Variants in CENPE observed in about 807,000 individuals in gnomAD.
CENPE encodes the protein centromere protein E.
Under a neutral mutation model 336.1 loss-of-function variants are expected in CENPE, and 145 were observed. The observed-to-expected ratio is 0.43, with a 90% CI of 0.38 to 0.50. The LOEUF (loss-of-function observed/expected upper bound fraction) is 0.50. CENPE is among the 20% of genes least tolerant of loss of function. The probability of loss-of-function intolerance (pLI) is 0.00; values close to 1 mark genes in which losing one functional copy is unlikely to be tolerated. For synonymous variants in CENPE, 1,013 were observed against 984.8 expected, an observed-to-expected ratio of 1.03 and a Z score of -0.54; for missense variants, 2,719 against 3,023.3, an observed-to-expected ratio of 0.90 and a Z score of 2.36.
At chr4:103,125,179 A>C (rs1019238588) in intron 42 of CENPE, among the ~76,000 whole-genome samples, 2 of 152,228 alleles carry the variant, frequency 1.3e-5, no homozygotes, top group Non-Finnish European at 2.9e-5. Flanking sequence ...ATTGTTCCTT[A>C]TTTCAACAAG....
At position 103,153,042 on chromosome 4, in the gene CENPE, C is replaced by A. The variant is rs1753686175; in HGVS notation, c.3237+5G>T. The A allele has an allele frequency of 2.5e-6, 4 of 1,601,980 alleles. No individual in the cohort carries two copies. The Admixed American group carries it at 5.1e-5, about 20-fold the overall frequency. On this transcript the variant is annotated splice_donor_5th_base_variant and intron_variant, in intron 25 of 48. Transcript: ENST00000265148. The stretch of plus-strand genomic sequence containing the variant: ...TAATGCCAAGTATACAGTGCTAAAT[C>A]CTACCATTTCAATATTTTCCTTTAG...
At position 103,195,096 on chromosome 4, in the gene CENPE, C is replaced by G; in HGVS notation, c.477+18G>C. On this transcript the variant is annotated intron_variant, in intron 5 of 48. Coordinates refer to ENST00000265148, the MANE Select transcript of CENPE (RefSeq NM_001813.3). ...ATAAGTCAGTCAATTTTAAAGCTCCCTTAAGTCTGCTACTCACATTGACAT... is the reference window on the plus strand; with the variant it reads ...ATAAGTCAGTCAATTTTAAAGCTCCGTTAAGTCTGCTACTCACATTGACAT... 1 of 1,562,464 alleles carries G rather than the reference C, an allele frequency of 6.4e-7. No individual in the cohort carries two copies. The highest frequency in any genetic ancestry group is 8.6e-7 in the Non-Finnish European group (1 of 1,165,110).
At chr4:103,132,610 CA>C in intron 42 of CENPE, 82 bp downstream of exon 42, 2 of 573,896 alleles carry the variant, frequency 3.5e-6, no homozygotes, top group Non-Finnish European at 6.0e-6. Context: ...AGAAAATATA[CA>C]TAAGTTGCCC....
chr4:103,174,147 C>T (rs1178685688), intron 16 of CENPE, among the ~76,000 whole-genome samples: 1 of 150,642 alleles, frequency 6.6e-6, no homozygotes, highest in Admixed American at 6.6e-5. Context: ...GGTATAAAGT[C>T]ACAATGGAAT....
At chr4:103,170,605 TAAGG>T (rs1429880057) in intron 16 of CENPE, among the ~76,000 whole-genome samples, 1 of 151,988 alleles carries the variant, frequency 6.6e-6, no homozygotes, top group Non-Finnish European at 1.5e-5. Flanking sequence ...ATTTATCCAA[TAAGG>T]AAGACAGTGA....
rs113654081 is a variant in CENPE at position 103,167,326 on chromosome 4, A to G, written c.1648-3773T>C. Among the ~76,000 whole-genome samples, 250 of 152,310 alleles carry G rather than the reference A, an allele frequency of 1.6e-3. 2 individuals are homozygous for G. The highest frequency in any genetic ancestry group is 5.6e-3 in the African/African-American group (234 of 41,570). ...AAGGAAACAATTTCAAGACAAATCCATCAAGAGGTAGATACACCAACCCTT... is the reference window on the plus strand; with the variant it reads ...AAGGAAACAATTTCAAGACAAATCCGTCAAGAGGTAGATACACCAACCCTT... On this transcript the variant is annotated intron_variant, in intron 16 of 48. Coordinates refer to ENST00000265148, the MANE Select transcript of CENPE (RefSeq NM_001813.3).
chr4:103,136,582 A>T (rs1412127305), intron 39 of CENPE, among the ~76,000 whole-genome samples: 1 of 152,250 alleles, frequency 6.6e-6, no homozygotes, highest in African/African-American at 2.4e-5. Context: ...AGCAAATATA[A>T]CAAAGAAAGC....
chr4:103,166,512 T>C (rs1278106418), intron 16 of CENPE, among the ~76,000 whole-genome samples: 1 of 152,196 alleles, frequency 6.6e-6, no homozygotes, highest in East Asian at 1.9e-4. Flanking sequence ...ACTTATAGAC[T>C]TTTACCTCTT....
intron 25 of CENPE, 49 bp from the exon 26 acceptor site, chr4:103,151,426 T>C (rs1185106337): frequency 1.5e-6 from 2 of 1,356,256 alleles, no homozygotes; most frequent in Admixed American, 5.7e-5. Flanking sequence ...AGCTAACATT[T>C]ATGAAATCAG....
rs139066287 is a variant in CENPE, at chr4:103,146,523, T to C, written c.4135-416A>G. Among the ~76,000 whole-genome samples the C allele has an allele frequency of 1.0e-3, 152 of 152,220 alleles. 1 individual carries two copies. The highest frequency in any genetic ancestry group is 3.4e-3 in the African/African-American group (143 of 41,540). ...ACTGAGATCTGAAGGATAAGAGCAT[T>C]AGTTAGGCAAAAAGGAGTATGGAGG... On this transcript the variant is annotated intron_variant, in intron 29 of 48. Coordinates refer to ENST00000265148, the MANE Select transcript of CENPE (RefSeq NM_001813.3).
chr4:103,194,786 A>C (rs369129429), intron 5 of CENPE, 102 bp from the exon 6 acceptor site: 2 of 831,978 alleles, frequency 2.4e-6, no homozygotes, highest in African/African-American at 3.5e-5. Context: ...GTGAAAGTTA[A>C]AAGTGGCAAA....
intron 34 of CENPE, among the ~76,000 whole-genome samples, chr4:103,142,698 C>T (rs549096769): frequency 7.9e-5 from 12 of 152,154 alleles, no homozygotes; most frequent in African/African-American, 2.9e-4. Context: ...CATAGTTTCC[C>T]TAAGATCATT....
At chr4:103,139,324 T>C (rs762365867) in intron 38 of CENPE, among the ~76,000 whole-genome samples, 1 of 152,204 alleles carries the variant, frequency 6.6e-6, no homozygotes, top group Non-Finnish European at 1.5e-5. Context: ...TTAAGATATA[T>C]GATTCTGAAT....
intron 11 of CENPE, chr4:103,181,988 G>A (rs1268919770): frequency 6.6e-6 from 1 of 152,184 alleles, no homozygotes; most frequent in Non-Finnish European, 1.5e-5. Context: ...AGTACCATAA[G>A]TAACTTTAGG....
Position 103,123,052 on chromosome 4 carries a change from C to T in CENPE, c.6962G>A (p.Ser2321Asn). 6.2e-7 allele frequency: 1 copy of T among 1,613,876 alleles called. No homozygotes were observed. The highest frequency in any genetic ancestry group is 8.5e-7 in the Non-Finnish European group (1 of 1,179,858). The change falls in exon 43 of 49, where the codon AGT (serine) becomes AAT (asparagine). Residue 2321 changes from serine (S) to asparagine (N), a missense_variant. By Grantham distance (46) the Ser-to-Asn change is conservative. Around this residue, in one of 5 missense-constraint regions of CENPE, gnomAD observed 2,437 missense variants for 2,513.3 expected, o/e 0.97. Coordinates refer to ENST00000265148, the MANE Select transcript of CENPE (RefSeq NM_001813.3). Reference sequence around the variant, plus strand: ...TTCCCACTCTTTGGATATGGTAGCACTTCTTTCCTCAAACTCTGTTGATTC... The same window carrying T: ...TTCCCACTCTTTGGATATGGTAGCATTTCTTTCCTCAAACTCTGTTGATTC... ...MNESTEFEER[S>N]ATISKEWEQD...
rs1294563363 is a variant in CENPE at position 103,158,734 on chromosome 4, C to T, written c.2754G>A (p.Gln918=). Residue 918 remains glutamine, a synonymous_variant, in exon 23 of 49, where the codon CAG becomes CAA. Coordinates refer to ENST00000265148, the MANE Select transcript of CENPE (RefSeq NM_001813.3). ...AAGTTTTTACTTCTTCTAAAGTTTG[C>T]TGCAGTTTCTCAGTAATCAGTGTTT... ...REKTLITEKL[Q]QTLEEVKTLT... is the part of the protein sequence containing the mutation. 6.2e-7 allele frequency: 1 copy of T among 1,612,912 alleles called. No individual in the cohort carries two copies. Among genetic ancestry groups the T allele is most frequent in the African/African-American group, 1.3e-5 (1 of 74,850 alleles).
chr4:103,112,434 T>C (rs1320680067), intron 46 of CENPE, among the ~76,000 whole-genome samples: 2 of 145,748 alleles, frequency 1.4e-5, no homozygotes, highest in South Asian at 2.1e-4. Context: ...TATATACTTA[T>C]ACATACATAT....
At chr4:103,108,667 T>G in intron 48 of CENPE, 136 bp downstream of exon 48, 1 of 810,204 alleles carries the variant, frequency 1.2e-6, no homozygotes, top group Non-Finnish European at 1.9e-6. Flanking sequence ...TCTTACAGAG[T>G]CAGCAAATGA....
At chr4:103,197,419 T>C (rs1052298779) in intron 1 of CENPE, among the ~76,000 whole-genome samples, 3 of 152,234 alleles carry the variant, frequency 2.0e-5, no homozygotes, top group Non-Finnish European at 4.4e-5. Context: ...TAATAACTCC[T>C]CTAGCAAACA....
Sources: allele counts gnomAD v4.1 joint callset (sites outside exome capture counted in the v4.1 genomes callset), GRCh38; gene constraint gnomAD v4.1.1; regional missense constraint gnomAD v4.1.1; transcripts MANE v1.5; gene names NCBI Gene and HGNC (gene_info 2026-07-23, HGNC 2026-07-21).